The following MEOX2 variants were observed in gnomAD, a reference collection of about 807,000 sequenced individuals.
MEOX2 encodes mesenchyme homeobox 2.
In MEOX2, 11 loss-of-function variants were observed where a neutral mutation model predicts 27.0. That is an observed-to-expected ratio of 0.41 (90% CI 0.26 to 0.68). The LOEUF (loss-of-function observed/expected upper bound fraction) is 0.68. Among genes scored for constraint, MEOX2 ranks in the 30% least tolerant of loss-of-function variants. The probability of loss-of-function intolerance (pLI) is 0.33; values close to 1 mark genes in which losing one functional copy is unlikely to be tolerated. For synonymous variants in MEOX2, 189 were observed against 155.4 expected, an observed-to-expected ratio of 1.22 and a Z score of -1.61; for missense variants, 436 against 385.4, an observed-to-expected ratio of 1.13 and a Z score of -1.10.
At chr7:15,653,676 A>G (rs1238191059) in intron 1 of MEOX2, among the ~76,000 whole-genome samples, 1 of 151,974 alleles carries the variant, frequency 6.6e-6, no homozygotes, top group East Asian at 1.9e-4. Flanking sequence ...GGTTTAGATC[A>G]AGATTGTTTT....
intron 1 of MEOX2, among the ~76,000 whole-genome samples, chr7:15,646,276 T>G (rs1781648134): frequency 6.6e-6 from 1 of 152,158 alleles, no homozygotes; most frequent in Non-Finnish European, 1.5e-5. Context: ...AAACATAAAT[T>G]TTCTTCTTTG....
chr7:15,665,046 C>CAA (rs1337938718), intron 1 of MEOX2, among the ~76,000 whole-genome samples: 14 of 80,604 alleles, frequency 1.7e-4, no homozygotes, highest in African/African-American at 5.1e-4. Context: ...GGACATCACA[C>CAA]ACACACACAC....
In MEOX2 at chr7:15,634,239, C is replaced by A. The variant is rs998280963; in HGVS notation, c.518-7321G>T. Among the ~76,000 whole-genome samples, 3 of 151,834 alleles carry A rather than the reference C, an allele frequency of 2.0e-5. No individual in the cohort carries two copies. The South Asian group carries it at 6.2e-4, about 31-fold the overall frequency. On this transcript the variant is annotated intron_variant, in intron 1 of 2. Transcript: ENST00000262041. ...ATTTTGGATTGGATAATTCTTGTTACATTTGTATTCAATGAAACATAAACA... is the reference window on the plus strand; with the variant it reads ...ATTTTGGATTGGATAATTCTTGTTAAATTTGTATTCAATGAAACATAAACA...
In MEOX2 at chr7:15,686,172, ATGG is replaced by A. The variant is rs113582077; in HGVS notation, c.228_230del (p.His80del). 0.6 allele frequency: 909,303 copies of A among 1,508,302 alleles called. 246,867 individuals are homozygous for A. The highest frequency in any genetic ancestry group is 0.79 in the African/African-American group (56,731 of 72,128). The allele number at this position is 1,508,302 out of a possible 1,614,324, so 93.4% of individuals were successfully genotyped here. ...GGTGCTGCTGCTGCTGATGGTGGTG[ATGG>A]TGGTGGTGGTGGTGGTGGTGGTGGT... On this transcript the variant is annotated inframe_deletion, in exon 1 of 3. Transcript: ENST00000262041.
At chr7:15,629,646 C>A (rs1375826937) in intron 1 of MEOX2, among the ~76,000 whole-genome samples, 3 of 152,068 alleles carry the variant, frequency 2.0e-5, no homozygotes, top group South Asian at 2.1e-4. Flanking sequence ...ATTAATCCAG[C>A]CACTACTTTT....
chr7:15,661,634 C>T (rs1004856934), intron 1 of MEOX2, among the ~76,000 whole-genome samples: 3 of 152,226 alleles, frequency 2.0e-5, no homozygotes, highest in South Asian at 2.1e-4. Context: ...ATTCTTGATG[C>T]GTTTTCCTTT....
rs1208906945 is a variant in MEOX2, at chr7:15,612,515, T to C, written c.787A>G (p.Lys263Glu). 1.2e-6 allele frequency: 2 copies of C among 1,614,064 alleles called. No individual in the cohort carries two copies. The highest frequency in any genetic ancestry group is 1.7e-6 in the Non-Finnish European group (2 of 1,180,050). Residue 263 changes from lysine to glutamate, a missense_variant, in exon 3 of 3, where the codon AAA becomes GAA. Transcript: ENST00000262041. ...TCTGATGGGAGAAGTGTTCCCTTTT[T>C]CACATTCACCAGTTCCTTTTCCCGA... is the stretch of plus-strand genomic sequence containing the variant. ...AAREKELVNV[K>E]KGTLLPSELS...
chr7:15,649,314 A>C (rs1211480574), intron 1 of MEOX2, among the ~76,000 whole-genome samples: 1 of 152,124 alleles, frequency 6.6e-6, no homozygotes, highest in Non-Finnish European at 1.5e-5. Flanking sequence ...GCTTATAAAA[A>C]TAGTGTGCAG....
intron 2 of MEOX2, among the ~76,000 whole-genome samples, chr7:15,614,135 T>C (rs1781083517): frequency 6.6e-6 from 1 of 151,692 alleles, no homozygotes; most frequent in African/African-American, 2.4e-5. Context: ...TTCTATTGTG[T>C]CTTCTTCTAA....
chr7:15,614,080 G>A (rs1345368186), intron 2 of MEOX2, among the ~76,000 whole-genome samples: 1 of 149,996 alleles, frequency 6.7e-6, no homozygotes, highest in Non-Finnish European at 1.5e-5. Context: ...AGTGTTTTGT[G>A]TTTTCTTTTT....
chr7:15,674,575 T>C (rs1394685217), intron 1 of MEOX2, among the ~76,000 whole-genome samples: 2 of 151,976 alleles, frequency 1.3e-5, no homozygotes, highest in African/African-American at 4.8e-5. Flanking sequence ...TGTGTGTGTG[T>C]GTGTGTGTGC....
At chr7:15,650,154 T>C (rs1230000921) in intron 1 of MEOX2, among the ~76,000 whole-genome samples, 4 of 152,076 alleles carry the variant, frequency 2.6e-5, no homozygotes, top group Non-Finnish European at 5.9e-5. Flanking sequence ...ACAAGTCAAC[T>C]GGTTTAGAGT....
At chr7:15,614,764 A>C (rs1781096585) in intron 2 of MEOX2, among the ~76,000 whole-genome samples, 1 of 152,140 alleles carries the variant, frequency 6.6e-6, no homozygotes, top group Admixed American at 6.5e-5. Context: ...CGTTAGAAAT[A>C]TTTTGAATAT....
intron 1 of MEOX2, among the ~76,000 whole-genome samples, chr7:15,632,817 C>T (rs539929289): frequency 6.6e-6 from 1 of 152,002 alleles, no homozygotes; most frequent in Admixed American, 6.6e-5. Context: ...CCAGAATTGA[C>T]TTTATGGCTC....
intron 1 of MEOX2, chr7:15,679,064 G>A (rs1436552576): frequency 6.6e-6 from 1 of 152,054 alleles, no homozygotes; most frequent in Non-Finnish European, 1.5e-5. Context: ...TATGCTTCAA[G>A]CTTAATATTT....
intron 2 of MEOX2, among the ~76,000 whole-genome samples, chr7:15,626,335 A>C (rs907102785): frequency 6.6e-6 from 1 of 152,070 alleles, no homozygotes; most frequent in Non-Finnish European, 1.5e-5. Context: ...TTGAGGGTGA[A>C]TGTGTTACTG....
chr7:15,665,804 C>T (rs544481913), intron 1 of MEOX2, among the ~76,000 whole-genome samples: 62 of 152,252 alleles, frequency 4.1e-4, no homozygotes, highest in African/African-American at 1.3e-3. Context: ...GCTGAAAGCG[C>T]GCAGCTGAAT....
intron 1 of MEOX2, among the ~76,000 whole-genome samples, chr7:15,644,063 G>A (rs1399734466): frequency 6.6e-6 from 1 of 152,156 alleles, no homozygotes; most frequent in Non-Finnish European, 1.5e-5. Context: ...CCTGACAATG[G>A]CTGTGGACCT....
intron 1 of MEOX2, among the ~76,000 whole-genome samples, chr7:15,636,636 A>G (rs1332017122): frequency 6.6e-6 from 1 of 152,108 alleles, no homozygotes; most frequent in Non-Finnish European, 1.5e-5. Context: ...GAGATCTTAA[A>G]TTCAATTATA....
Sources: gnomAD v4.1 joint callset for allele counts (sites outside exome capture counted in the v4.1 genomes callset) on GRCh38, gnomAD v4.1.1 for gene constraint, MANE v1.5 for transcripts, NCBI Gene and HGNC (gene_info 2026-07-23, HGNC 2026-07-21) for gene names.